VWDE: variants seen among roughly 807,000 people sequenced by gnomAD.
VWDE encodes von Willebrand factor D and EGF domains.
In VWDE, 207 loss-of-function variants were observed where a neutral mutation model predicts 178.4. The observed-to-expected ratio is 1.16, with a 90% CI of 1.04 to 1.30. The LOEUF (loss-of-function observed/expected upper bound fraction) is 1.30, where lower values mean the gene tolerates loss of function less well. Among genes scored for constraint, VWDE ranks in the 50% most tolerant of loss-of-function variants. The probability of loss-of-function intolerance (pLI) is 0.00; values close to 1 mark genes in which losing one functional copy is unlikely to be tolerated. For synonymous variants in VWDE, 738 were observed against 651.4 expected, an observed-to-expected ratio of 1.13 and a Z score of -2.02; for missense variants, 2,287 against 1,901.3, an observed-to-expected ratio of 1.20 and a Z score of -3.77.
chr7:12,341,373 C>T (rs915670337), intron 23 of VWDE, among the ~76,000 whole-genome samples: 1 of 152,152 alleles, frequency 6.6e-6, no homozygotes, highest in African/African-American at 2.4e-5. Flanking sequence ...GTGGCTCACG[C>T]TTGTAATCCC....
In VWDE at chr7:12,361,508, T is replaced by G; in HGVS notation, c.2912A>C (p.Glu971Ala). 1 of 1,547,834 alleles carries G rather than the reference T, an allele frequency of 6.5e-7. No homozygotes were observed. Among genetic ancestry groups the G allele is most frequent in the Non-Finnish European group, 8.7e-7 (1 of 1,145,628 alleles). The change falls in exon 14 of 29, where the codon GAA becomes GCA. Residue 971 changes from glutamate to alanine, a missense_variant. Physicochemically the swap from Glu to Ala is moderately radical, Grantham distance 107. Coordinates refer to ENST00000275358, the MANE Select transcript of VWDE (RefSeq NM_001135924.3). The stretch of plus-strand genomic sequence containing the variant: ...ATAGATGGGTTCTCCAGGCATCCAT[T>G]CACTGCTATTATACTGAAGACATAG... The part of the protein sequence containing the change: ...EVTKLQYNSS[E>A]WMPGEPIYTQ...
chr7:12,402,167 G>A (rs1257484405), intron 1 of VWDE, among the ~76,000 whole-genome samples: 1 of 152,176 alleles, frequency 6.6e-6, no homozygotes, highest in Non-Finnish European at 1.5e-5. Context: ...GCCGGCATGC[G>A]GCATGATAGC....
Position 12,369,990 on chromosome 7 carries a change from C to T in VWDE, c.2316G>A (p.Leu772=), listed in dbSNP as rs751093480. The change falls in exon 12 of 29, where the codon CTG becomes CTA. Residue 772 remains leucine (L), a synonymous_variant. Transcript: ENST00000275358. ...CTGGGAAAAAATAAGTAAGTTCTTCCAGATCCGTTTGGCTGAGACTCGGGA... is the reference window on the plus strand; with the variant it reads ...CTGGGAAAAAATAAGTAAGTTCTTCTAGATCCGTTTGGCTGAGACTCGGGA... The part of the protein sequence containing the change: ...FAFPSLSQTD[L]EELTYFFPED... 1 of 1,551,476 alleles carries T rather than the reference C, an allele frequency of 6.4e-7. No homozygotes were observed. Among genetic ancestry groups the T allele is most frequent in the South Asian group, 1.2e-5 (1 of 84,060 alleles).
At chr7:12,395,468 G>A (rs1003277320) in intron 1 of VWDE, among the ~76,000 whole-genome samples, 1 of 152,046 alleles carries the variant, frequency 6.6e-6, no homozygotes, top group African/African-American at 2.4e-5. Flanking sequence ...CACCTTTGTA[G>A]TTCTTACATT....
intron 18 of VWDE, among the ~76,000 whole-genome samples, chr7:12,352,553 T>C (rs1782000701): frequency 6.6e-6 from 1 of 152,212 alleles, no homozygotes; most frequent in South Asian, 2.1e-4. Context: ...GAAGTTTTTA[T>C]TGAAGAAATG....
At chr7:12,394,858 T>A (rs942803922) in intron 1 of VWDE, among the ~76,000 whole-genome samples, 5 of 152,144 alleles carry the variant, frequency 3.3e-5, no homozygotes, top group Admixed American at 3.3e-4. Flanking sequence ...ACTTATTATA[T>A]AATTTTAAAT....
intron 5 of VWDE, among the ~76,000 whole-genome samples, 164 bp from the exon 6 acceptor site, chr7:12,379,730 A>G (rs1783735730): frequency 6.6e-6 from 1 of 152,210 alleles, no homozygotes; most frequent in African/African-American, 2.4e-5. Context: ...GAAAAATTCC[A>G]TCATTATAAA....
intron 16 of VWDE, 120 bp downstream of exon 16, chr7:12,359,458 G>T: frequency 1.6e-6 from 1 of 610,184 alleles, no homozygotes; most frequent in Non-Finnish European, 2.9e-6. Flanking sequence ...GCAGTTAGGA[G>T]AGATGCTAAA....
chr7:12,398,078 G>A (rs1100150), intron 1 of VWDE, among the ~76,000 whole-genome samples: 136,706 of 152,194 alleles, frequency 0.9, 61,606 homozygotes, highest in African/African-American at 0.97. Context: ...CAGGGAAAAT[G>A]AATTATTCTA....
rs1430445806 is a variant in VWDE at position 12,345,829 on chromosome 7, C to T, written c.3887-1360G>A. On this transcript the variant is annotated intron_variant, in intron 19 of 28. Transcript: ENST00000275358. ...GGCTTTACTGAATTATCCATTTGGG[C>T]TGTAATTAATTTCAGTGATGAGCGG... Among the ~76,000 whole-genome samples, 4 of 152,060 alleles carry T rather than the reference C, an allele frequency of 2.6e-5. No individual in the cohort carries two copies. The East Asian group carries it at 7.7e-4, about 29-fold the overall frequency.
intron 13 of VWDE, among the ~76,000 whole-genome samples, chr7:12,362,652 G>C (rs1782650568): frequency 6.6e-6 from 1 of 152,108 alleles, no homozygotes; most frequent in Non-Finnish European, 1.5e-5. Context: ...ATTTGTCATA[G>C]AGCATGCTGA....
chr7:12,361,252 C>G lies in VWDE; in HGVS notation c.3055-1G>C. ...TGAATTTATAACCATCATTAGATAC[C>G]TGTAACATAATAGTTCTATAATAAG... On this transcript the variant is annotated splice_acceptor_variant, in intron 14 of 28. Coordinates refer to ENST00000275358, the MANE Select transcript of VWDE (RefSeq NM_001135924.3). LOFTEE classifies it high-confidence loss of function. 6.5e-7 allele frequency: 1 copy of G among 1,541,394 alleles called. No homozygotes were observed. Among genetic ancestry groups the G allele is most frequent in the Non-Finnish European group, 8.8e-7 (1 of 1,139,548 alleles).
At chr7:12,341,355 C>T (rs761898972) in intron 23 of VWDE, among the ~76,000 whole-genome samples, 4 of 152,066 alleles carry the variant, frequency 2.6e-5, no homozygotes, top group Non-Finnish European at 4.4e-5. Context: ...AAGCTTACGC[C>T]GGGCGCAGTG....
intron 1 of VWDE, among the ~76,000 whole-genome samples, chr7:12,402,353 T>G (rs188625810): frequency 6.3e-4 from 96 of 152,174 alleles, no homozygotes; most frequent in Non-Finnish European, 1.1e-3. Context: ...TAAAGCTATT[T>G]GAAAAAAAGA....
chr7:12,387,062 A>T (rs1400757233), intron 3 of VWDE, among the ~76,000 whole-genome samples: 1 of 152,156 alleles, frequency 6.6e-6, no homozygotes, highest in Non-Finnish European at 1.5e-5. Context: ...TCTTTTTTAA[A>T]GATAGAACTA....
intron 3 of VWDE, chr7:12,388,882 G>A (rs559743513): frequency 1.0e-4 from 69 of 665,190 alleles, no homozygotes; most frequent in Non-Finnish European, 1.9e-4. Context: ...CAATCATTAT[G>A]TCCAGTGGAA....
intron 1 of VWDE, among the ~76,000 whole-genome samples, chr7:12,395,699 C>T (rs1377136258): frequency 2.0e-5 from 3 of 151,910 alleles, no homozygotes; most frequent in Non-Finnish European, 4.4e-5. Flanking sequence ...TAAAAATCTA[C>T]TTACCTCATT....
chr7:12,373,293 T>A, intron 9 of VWDE, 46 bp from the exon 10 acceptor site: 10 of 1,524,432 alleles, frequency 6.6e-6, no homozygotes, highest in Non-Finnish European at 8.9e-6. Context: ...GTGTAAAATA[T>A]CACAATAGTA....
intron 1 of VWDE, 140 bp from the exon 2 acceptor site, chr7:12,393,918 G>A: frequency 3.3e-6 from 2 of 608,394 alleles, no homozygotes; most frequent in Non-Finnish European, 5.3e-6. Context: ...TGAAATGTCA[G>A]GGTCTCTTAG....
Sources: gnomAD v4.1 joint callset for allele counts (sites outside exome capture counted in the v4.1 genomes callset) on GRCh38, gnomAD v4.1.1 for gene constraint, MANE v1.5 for transcripts, NCBI Gene and HGNC (gene_info 2026-07-23, HGNC 2026-07-21) for gene names.